Variants in AGBL1 observed in about 807,000 individuals in gnomAD.
AGBL1 encodes AGBL carboxypeptidase 1.
A neutral mutation model predicts 118.9 loss-of-function variants in AGBL1; 130 were observed. The ratio of observed to expected loss-of-function variants is 1.09; its 90% CI spans 0.95 to 1.26. AGBL1 has a LOEUF of 1.26. Among genes scored for constraint, AGBL1 ranks in the 50% most tolerant of loss-of-function variants. AGBL1 has a pLI of 0.00. For missense variants in AGBL1, 1,584 were observed against 1,298.1 expected (o/e 1.22, Z -3.38); for synonymous variants, 555 against 478.9 (o/e 1.16, Z -2.08).
At chr15:86,458,295 T>C (rs2082285565) in intron 18 of AGBL1, among the ~76,000 whole-genome samples, 1 of 152,136 alleles carries the variant, frequency 6.6e-6, no homozygotes, top group South Asian at 2.1e-4. Context: ...ATATGAAATA[T>C]AATCTTGTAA....
chr15:86,225,014 C>G (rs969892113), intron 6 of AGBL1, 63 bp downstream of exon 6: 1 of 1,467,088 alleles, frequency 6.8e-7, no homozygotes, highest in East Asian at 2.3e-5. Context: ...AAGATACTTT[C>G]TGGTCCCCAT....
intron 18 of AGBL1, among the ~76,000 whole-genome samples, chr15:86,514,984 A>T (rs1263680327): frequency 6.6e-6 from 1 of 152,168 alleles, no homozygotes; most frequent in Non-Finnish European, 1.5e-5. Context: ...ACATAGTTGC[A>T]TAATACTTCA....
chr15:86,785,527 A>AGCTG lies in AGBL1; in HGVS notation c.3158+111091_3158+111092insGCTG, dbSNP rs2078399256. 1.3e-5 allele frequency among the ~76,000 whole-genome samples: 2 copies of AGCTG among 151,686 alleles called. 1 individual carries two copies. Among genetic ancestry groups the AGCTG allele is most frequent in the Admixed American group, 1.3e-4 (2 of 15,232 alleles). On this transcript the variant is annotated intron_variant, in intron 22 of 22. Coordinates refer to ENST00000614907, the MANE Select transcript of AGBL1 (RefSeq NM_001386094.1). The stretch of plus-strand genomic sequence containing the variant: ...GTAGCTAGGACTACAGGCGCACATC[A>AGCTG]CCACTAATTTTTGTATTTTTAGTAG...
At chr15:86,232,283 G>T (rs1260862868) in intron 6 of AGBL1, among the ~76,000 whole-genome samples, 3 of 152,198 alleles carry the variant, frequency 2.0e-5, no homozygotes, top group South Asian at 4.1e-4. Flanking sequence ...CCAGTAGGTT[G>T]GGCGGGCCTT....
Position 86,327,605 on chromosome 15 carries a change from T to C in AGBL1, c.2374+32197T>C, listed in dbSNP as rs149267548. 8.9e-3 allele frequency among the ~76,000 whole-genome samples: 1,362 copies of C among 152,304 alleles called. 27 individuals are homozygous for C. Among genetic ancestry groups the C allele is most frequent in the African/African-American group, 0.031 (1,294 of 41,562 alleles). ...GAAGTGTTTGTATATGCAGTGTTTG[T>C]TTATGTTTTCATTGAGGTGTCAGCT... On this transcript the variant is annotated intron_variant, in intron 17 of 22. Transcript: ENST00000614907.
At chr15:86,253,324 C>T (rs928534425) in intron 7 of AGBL1, among the ~76,000 whole-genome samples, 1 of 152,148 alleles carries the variant, frequency 6.6e-6, no homozygotes, top group Admixed American at 6.5e-5. Flanking sequence ...GATCTTGGCT[C>T]ACTGCAGCCT....
chr15:86,993,815 A>G (rs896230497), intron 24 of AGBL1, among the ~76,000 whole-genome samples: 18 of 151,994 alleles, frequency 1.2e-4, no homozygotes, highest in Middle Eastern at 3.2e-3. Context: ...GCTTTTTGTC[A>G]TTTTATTAGC....
intron 18 of AGBL1, among the ~76,000 whole-genome samples, chr15:86,464,761 G>T (rs1227167582): frequency 1.3e-5 from 2 of 152,148 alleles, no homozygotes; most frequent in African/African-American, 4.8e-5. Flanking sequence ...TGCATATGTT[G>T]AACCAGACTT....
Position 86,663,870 on chromosome 15 carries a change from G to C in AGBL1, c.2995-10403G>C, listed in dbSNP as rs11073652. Among the ~76,000 whole-genome samples the C allele has an allele frequency of 1.2e-3, 181 of 152,102 alleles. 1 individual carries two copies. The East Asian group carries it at 0.022, about 19-fold the overall frequency. The stretch of plus-strand genomic sequence containing the variant: ...ATGCATCCGAAAAAAACAGAGTTTG[G>C]CTTGATCAGACTCTAGGCTACCTAA... On this transcript the variant is annotated intron_variant, in intron 21 of 22. Transcript: ENST00000614907.
chr15:86,645,113 A>G lies in AGBL1; in HGVS notation c.2995-29160A>G, dbSNP rs1037387878. Among the ~76,000 whole-genome samples the G allele has an allele frequency of 1.2e-4, 18 of 152,356 alleles. No individual in the cohort carries two copies. In the East Asian group the frequency reaches 2.1e-3, roughly 18 times the overall value. ...TTAATTAGAAAAAAATTGAATATCAACATGTTAATATTATCTTCTTAATGT... is the reference window on the plus strand; with the variant it reads ...TTAATTAGAAAAAAATTGAATATCAGCATGTTAATATTATCTTCTTAATGT... On this transcript the variant is annotated intron_variant, in intron 21 of 22. Transcript: ENST00000614907.
intron 22 of AGBL1, among the ~76,000 whole-genome samples, chr15:86,695,650 G>A (rs185104785): frequency 6.6e-6 from 1 of 151,972 alleles, no homozygotes; most frequent in African/African-American, 2.4e-5. Flanking sequence ...GGTTTGGTTT[G>A]TTCTTGTTTC....
chr15:86,248,974 C>T (rs2078765216), intron 7 of AGBL1, among the ~76,000 whole-genome samples: 1 of 152,040 alleles, frequency 6.6e-6, no homozygotes, highest in African/African-American at 2.4e-5. Context: ...GAAGAGCATC[C>T]CAGGGAAAGG....
intron 22 of AGBL1, among the ~76,000 whole-genome samples, chr15:86,720,704 A>G (rs972474225): frequency 1.2e-4 from 19 of 152,310 alleles, no homozygotes; most frequent in Non-Finnish European, 2.4e-4. Flanking sequence ...CCGATGGGCC[A>G]TGGGACATAA....
intron 5 of AGBL1, among the ~76,000 whole-genome samples, chr15:86,219,478 T>C (rs890133719): frequency 6.6e-6 from 1 of 152,176 alleles, no homozygotes; most frequent in African/African-American, 2.4e-5. Context: ...TGAGAAAGGC[T>C]ATGAGATTCA....
intron 21 of AGBL1, among the ~76,000 whole-genome samples, chr15:86,672,666 G>T (rs2085767679): frequency 6.6e-6 from 1 of 152,136 alleles, no homozygotes; most frequent in African/African-American, 2.4e-5. Context: ...GTTGGGGAAA[G>T]AATCAGACCT....
chr15:86,245,907 G>GT lies in AGBL1; in HGVS notation c.527-1755dup, dbSNP rs529206927. Among the ~76,000 whole-genome samples the GT allele has an allele frequency of 7.9e-3, 1,178 of 150,020 alleles. 11 individuals are homozygous for GT. The highest frequency in any genetic ancestry group is 0.047 in the South Asian group (225 of 4,748). On this transcript the variant is annotated intron_variant, in intron 6 of 22. Transcript: ENST00000614907. ...TTTTAATTTCTTTCTTTCTTTCTTT[G>GT]TTTTTTTTTCTTTTGAGCTAGGGTC... is the stretch of plus-strand genomic sequence containing the variant.
At chr15:86,988,477 T>C (rs951990588) in intron 24 of AGBL1, 6 of 158,366 alleles carry the variant, frequency 3.8e-5, no homozygotes, top group African/African-American at 1.4e-4. Context: ...TCATATCATT[T>C]TGAGGTACAC....
At chr15:86,216,331 C>T (rs955737144) in intron 5 of AGBL1, among the ~76,000 whole-genome samples, 1 of 151,974 alleles carries the variant, frequency 6.6e-6, no homozygotes, top group African/African-American at 2.4e-5. Flanking sequence ...GTATCTTTAT[C>T]TTATTTCTGA....
intron 23 of AGBL1, among the ~76,000 whole-genome samples, chr15:86,946,828 G>A (rs2141663728): frequency 8.8e-6 from 1 of 113,178 alleles, no homozygotes; most frequent in East Asian, 2.7e-4. Context: ...TGGGCAACGA[G>A]AGTGAAACTC....
Sources: allele counts gnomAD v4.1 joint callset (sites outside exome capture counted in the v4.1 genomes callset), GRCh38; gene constraint gnomAD v4.1.1; transcripts MANE v1.5; gene names NCBI Gene and HGNC (gene_info 2026-07-23, HGNC 2026-07-21).